Variants in MDN1 observed in about 807,000 individuals in gnomAD.
MDN1 encodes midasin.
A neutral mutation model predicts 669.2 loss-of-function variants in MDN1; 266 were observed. The ratio of observed to expected loss-of-function variants is 0.40; its 90% CI spans 0.36 to 0.44. The LOEUF is 0.44. Among genes scored for constraint, MDN1 ranks in the 20% least tolerant of loss-of-function variants. The pLI, the probability that MDN1 is intolerant of heterozygous loss-of-function variation, is 1.00. For missense variants in MDN1, 5,940 were observed against 6,754.0 expected (o/e 0.88, Z 4.22); for synonymous variants, 2,385 against 2,457.1 (o/e 0.97, Z 0.87).
chr6:89,782,128 AATCTCACC>A (rs1384977191), intron 9 of MDN1, among the ~76,000 whole-genome samples: 3 of 152,216 alleles, frequency 2.0e-5, no homozygotes, highest in Admixed American at 2.0e-4. Flanking sequence ...AGTTACCAGC[AATCTCACC>A]ATCTACAATA....
intron 15 of MDN1, among the ~76,000 whole-genome samples, chr6:89,767,230 G>T (rs1429943462): frequency 6.6e-6 from 1 of 152,096 alleles, no homozygotes; most frequent in Non-Finnish European, 1.5e-5. Flanking sequence ...CTTACCAGAA[G>T]CCCATGTTAA....
chr6:89,726,474 G>GA (rs1815242884), intron 37 of MDN1, among the ~76,000 whole-genome samples: 1 of 74,020 alleles, frequency 1.4e-5, no homozygotes, highest in African/African-American at 5.2e-5. Context: ...AAAAAAAAAA[G>GA]AAAAATAGAA....
At chr6:89,813,568 A>C (rs954611587) in intron 1 of MDN1, among the ~76,000 whole-genome samples, 2 of 149,756 alleles carry the variant, frequency 1.3e-5, no homozygotes, top group African/African-American at 4.9e-5. Flanking sequence ...AAAAAAAAAC[A>C]AAAAAGAAAG....
intron 19 of MDN1, among the ~76,000 whole-genome samples, chr6:89,756,708 G>T (rs189186459): frequency 2.6e-5 from 4 of 152,218 alleles, no homozygotes; most frequent in African/African-American, 9.6e-5. Context: ...GGATCACGAG[G>T]TCAGGAGATG....
intron 67 of MDN1, among the ~76,000 whole-genome samples, chr6:89,687,822 C>T (rs917282356): frequency 4.3e-4 from 66 of 152,144 alleles, no homozygotes; most frequent in African/African-American, 1.5e-3. Context: ...TGAAGGCCCA[C>T]CTGGAAGGCT....
Position 89,683,912 on chromosome 6 carries a change from A to G in MDN1, c.11830-8T>C, listed in dbSNP as rs1811822141. On this transcript the variant is annotated splice_region_variant and splice_polypyrimidine_tract_variant and intron_variant, in intron 71 of 101. Coordinates refer to ENST00000369393, the MANE Select transcript of MDN1 (RefSeq NM_014611.3). The stretch of plus-strand genomic sequence containing the variant: ...GGAAATCTTAACAAATTCCTGTAAG[A>G]TAAATGATGTTCAAGAAATGGCTTT... 6.2e-7 allele frequency: 1 copy of G among 1,604,730 alleles called. No individual in the cohort carries two copies. The highest frequency in any genetic ancestry group is 1.1e-5 in the South Asian group (1 of 90,578).
chr6:89,776,740 T>C lies in MDN1; in HGVS notation c.1726-45A>G, dbSNP rs375989502. ...AAATGCTGACTGATTTTTAAAATAA[T>C]ATATTAATCACAGAACATCATTTTC... On this transcript the variant is annotated intron_variant, in intron 11 of 101. Coordinates refer to ENST00000369393, the MANE Select transcript of MDN1 (RefSeq NM_014611.3). 7 of 1,311,338 alleles carry C rather than the reference T, an allele frequency of 5.3e-6. No homozygotes were observed. The African/African-American group carries it at 6.0e-5, about 11-fold the overall frequency. 81.2% of individuals were successfully genotyped at this position (1,311,338 alleles called of 1,614,324 possible). A position where few individuals can be genotyped will look rare whatever the true frequency, so the allele number is the denominator to read the frequency against.
rs146839167 is a variant in MDN1, at chr6:89,657,219, T to C, written c.15184-418A>G. 6.3e-4 allele frequency among the ~76,000 whole-genome samples: 96 copies of C among 152,294 alleles called. No homozygotes were observed. In the East Asian group the frequency reaches 0.018, roughly 29 times the overall value. ...CAATATCATCTATCTCATGGGGACA[T>C]AGAGAGGACTTTCTGAAGTACTGAA... On this transcript the variant is annotated intron_variant, in intron 90 of 101. Coordinates refer to ENST00000369393, the MANE Select transcript of MDN1 (RefSeq NM_014611.3).
intron 1 of MDN1, 87 bp from the exon 2 acceptor site, chr6:89,803,641 G>A: frequency 1.0e-6 from 1 of 967,434 alleles, no homozygotes; most frequent in Non-Finnish European, 1.5e-6. Flanking sequence ...AAGTGCAGTG[G>A]TGCAATCTCA....
Position 89,701,873 on chromosome 6 carries a change from T to C in MDN1, c.8306+31A>G, listed in dbSNP as rs148194080. 91 of 1,592,704 alleles carry C rather than the reference T, an allele frequency of 5.7e-5. No individual in the cohort carries two copies. The African/African-American group carries it at 1.1e-3, about 18-fold the overall frequency. On this transcript the variant is annotated intron_variant, in intron 54 of 101. Coordinates refer to ENST00000369393, the MANE Select transcript of MDN1 (RefSeq NM_014611.3). ...TATCCTTAACATCTATCTGTAATCA[T>C]TGACATTATTACTCTAAATATGAAT... is the stretch of plus-strand genomic sequence containing the variant.
Position 89,695,811 on chromosome 6 carries a change from G to T in MDN1, c.9565C>A (p.Leu3189Met), listed in dbSNP as rs750037915. Residue 3189 changes from leucine to methionine, a missense_variant, in exon 61 of 102, where the codon CTG becomes ATG. Physicochemically the swap from Leu to Met is conservative, Grantham distance 15 (BLOSUM62 2). Transcript: ENST00000369393. This position sits in a 1 kb window ranked among gnomAD's most constrained non-coding sequence, Gnocchi z 4.1. ...TLGDMAGQEV[L>M]PKELLCQLLT... ...AACTGGCAGAGCAGTTCCTTGGGCA[G>T]CACCTCCTGACCAGCCATGTCCCCA... 6.2e-7 allele frequency: 1 copy of T among 1,613,728 alleles called. No homozygotes were observed. Among genetic ancestry groups the T allele is most frequent in the East Asian group, 2.2e-5 (1 of 44,868 alleles).
intron 40 of MDN1, among the ~76,000 whole-genome samples, chr6:89,719,867 A>T (rs1562137931): frequency 1.3e-5 from 2 of 152,198 alleles, no homozygotes; most frequent in Admixed American, 6.5e-5. Context: ...CCAATTATTT[A>T]CATTGTTATC....
chr6:89,739,987 A>G (rs1816197229), intron 32 of MDN1, among the ~76,000 whole-genome samples: 1 of 152,242 alleles, frequency 6.6e-6, no homozygotes, highest in African/African-American at 2.4e-5. Flanking sequence ...GTAAAGGGCT[A>G]GGCAAAGTGA....
At chr6:89,756,660 C>T (rs991456717) in intron 19 of MDN1, among the ~76,000 whole-genome samples, 2 of 152,178 alleles carry the variant, frequency 1.3e-5, no homozygotes, top group Non-Finnish European at 2.9e-5. Flanking sequence ...CGGTGGCTCA[C>T]GCCTGTAATC....
At chr6:89,787,793 A>T (rs1819044833) in intron 8 of MDN1, 61 bp downstream of exon 8, 1 of 1,315,018 alleles carries the variant, frequency 7.6e-7, no homozygotes, top group Non-Finnish European at 1.1e-6. Flanking sequence ...CCTCTGGCTC[A>T]GCATGCAGAC....
chr6:89,791,717 A>C (rs1819277670), intron 5 of MDN1, among the ~76,000 whole-genome samples: 1 of 152,104 alleles, frequency 6.6e-6, no homozygotes, highest in South Asian at 2.1e-4. Context: ...TACACCTGTA[A>C]TCCCAGCACT....
chr6:89,743,851 C>T (rs1816424431), intron 29 of MDN1, 137 bp from the exon 30 acceptor site: 1 of 888,764 alleles, frequency 1.1e-6, no homozygotes. Flanking sequence ...TGTGGAACCT[C>T]AACCCCAGGC....
At position 89,712,607 on chromosome 6, in the gene MDN1, G is replaced by A. The variant is rs1276689892; in HGVS notation, c.7398C>T (p.Asn2466=). Residue 2466 remains asparagine (N), a synonymous_variant, in exon 48 of 102, where the codon AAC becomes AAT. Transcript: ENST00000369393. ...AGCTGCTGGTTTTCATGCTCATCCTGTTGAGACAATATACTAAGATCTGTC... is the reference window on the plus strand; with the variant it reads ...AGCTGCTGGTTTTCATGCTCATCCTATTGAGACAATATACTAAGATCTGTC... The part of the protein sequence containing the change: ...RDGQILVYCL[N]RMSMKTSSWT... 1 of 1,614,114 alleles carries A rather than the reference G, an allele frequency of 6.2e-7. No individual in the cohort carries two copies.
chr6:89,688,728 G>T lies in MDN1; in HGVS notation c.11104C>A (p.Pro3702Thr), dbSNP rs1034601136. ...TCAGGTTTCACCATCAGGTCTGAGG[G>T]TGCCTCCCCAAAAAGAGTGTTATGG... ...LSHNTLFGEA[P>T]SDLMVKPDGP... is the part of the protein sequence containing the mutation. Residue 3702 changes from proline (P) to threonine (T), a missense_variant, in exon 66 of 102, where the codon CCC (proline) becomes ACC (threonine). This residue lies in a region of MDN1 where 2,280 missense variants were observed against 2,576.3 expected (regional missense o/e 0.88). Transcript: ENST00000369393. 8 of 1,614,086 alleles carry T rather than the reference G, an allele frequency of 5.0e-6. No homozygotes were observed. Among genetic ancestry groups the T allele is most frequent in the African/African-American group, 2.7e-5 (2 of 74,912 alleles).
Sources: gnomAD v4.1 joint callset for allele counts (sites outside exome capture counted in the v4.1 genomes callset) on GRCh38, gnomAD v4.1.1 for gene constraint, gnomAD v4.1.1 regional missense constraint, Gnocchi (gnomAD v3.1) non-coding constraint, MANE v1.5 for transcripts, NCBI Gene and HGNC (gene_info 2026-07-23, HGNC 2026-07-21) for gene names.